TYRP1: variants seen among roughly 807,000 people sequenced by gnomAD.
TYRP1 encodes 5,6-dihydroxyindole-2-carboxylic acid oxidase.
A neutral mutation model predicts 42.8 loss-of-function variants in TYRP1; 49 were observed. The ratio of observed to expected loss-of-function variants is 1.14; its 90% CI spans 0.91 to 1.45. TYRP1 has a LOEUF of 1.45. Among genes scored for constraint, TYRP1 ranks in the 40% most tolerant of loss-of-function variants. TYRP1 has a pLI of 0.00. For missense variants in TYRP1, 848 were observed against 662.0 expected (o/e 1.28, Z -3.08); for synonymous variants, 279 against 235.4 (o/e 1.19, Z -1.69).
chr9:12,706,317 G>C (rs553418385), intron 6 of TYRP1, among the ~76,000 whole-genome samples: 1 of 152,092 alleles, frequency 6.6e-6, no homozygotes, highest in South Asian at 2.1e-4. Context: ...AGTCTCTTAA[G>C]TGGAGTTTTC....
At chr9:12,707,761 C>A in intron 6 of TYRP1, 1 of 417,604 alleles carries the variant, frequency 2.4e-6, no homozygotes, top group South Asian at 6.3e-5. Flanking sequence ...CTAAAACTCC[C>A]CTGCTTTTAA....
intron 3 of TYRP1, among the ~76,000 whole-genome samples, chr9:12,696,895 G>A (rs188873255): frequency 2.0e-3 from 306 of 152,252 alleles, no homozygotes; most frequent in African/African-American, 6.8e-3. Flanking sequence ...AGGGAAAGGC[G>A]TTTAGATTCA....
Position 12,698,869 on chromosome 9 carries a change from T to C in TYRP1, c.913+214T>C, listed in dbSNP as rs117554763. On this transcript the variant is annotated intron_variant, in intron 4 of 7. Coordinates refer to ENST00000388918, the MANE Select transcript of TYRP1 (RefSeq NM_000550.3). ...GAAACAGAAAGTGCCTACACATTTT[T>C]ACACTGCCTTTCTTGAGTAGTTTGG... 8.7e-4 allele frequency among the ~76,000 whole-genome samples: 133 copies of C among 152,256 alleles called. 3 individuals carry two copies. In the East Asian group the frequency reaches 0.025, roughly 29 times the overall value.
intron 1 of TYRP1, 87 bp from the exon 2 acceptor site, chr9:12,693,825 C>T: frequency 5.4e-6 from 4 of 735,634 alleles, no homozygotes; most frequent in South Asian, 3.7e-5. Context: ...ATATGGGTTC[C>T]ATTTTGAAAG....
At position 12,695,823 on chromosome 9, in the gene TYRP1, G is replaced by C; in HGVS notation, c.694G>C (p.Glu232Gln). 6.2e-7 allele frequency: 1 copy of C among 1,614,060 alleles called. No individual in the cohort carries two copies. Among genetic ancestry groups the C allele is most frequent in the Non-Finnish European group, 8.5e-7 (1 of 1,180,002 alleles). ...TWHRYHLLRLEKDMQEMLQEP... is the reference protein window; with the variant it reads ...TWHRYHLLRLQKDMQEMLQEP... ...GCACAGGTACCACCTCCTGCGTCTG[G>C]AGAAAGACATGCAGGTATGTAAGAA... The change falls in exon 3 of 8, where the codon GAG becomes CAG. Residue 232 changes from glutamate to glutamine, a missense_variant. Glu to Gln is a conservative substitution (Grantham distance 29, BLOSUM62 2). Transcript: ENST00000388918.
chr9:12,698,708 T>C (rs1818118629), intron 4 of TYRP1, 53 bp downstream of exon 4: 8 of 1,542,576 alleles, frequency 5.2e-6, no homozygotes, highest in Non-Finnish European at 4.5e-6. Flanking sequence ...ATAAAGAGAT[T>C]AAATATGTTG....
chr9:12,698,303 C>A, intron 3 of TYRP1, 148 bp from the exon 4 acceptor site: 1 of 773,308 alleles, frequency 1.3e-6, no homozygotes, highest in Non-Finnish European at 2.2e-6. Context: ...TTTAACTCCT[C>A]TGGGCCCCTC....
At position 12,702,324 on chromosome 9, in the gene TYRP1, A is replaced by G; in HGVS notation, c.967A>G (p.Met323Val). Residue 323 changes from methionine (M) to valine (V), a missense_variant, in exon 5 of 8, where the codon ATG becomes GTG. Coordinates refer to ENST00000388918, the MANE Select transcript of TYRP1 (RefSeq NM_000550.3). ...RNPAGNVARP[M>V]VQRLPEPQDV... ...TCCAGCTGGAAATGTGGCCAGACCAATGGTGCAACGTCTTCCTGAACCACA... is the reference window on the plus strand; with the variant it reads ...TCCAGCTGGAAATGTGGCCAGACCAGTGGTGCAACGTCTTCCTGAACCACA... 6.2e-7 allele frequency: 1 copy of G among 1,613,200 alleles called. No homozygotes were observed. The highest frequency in any genetic ancestry group is 1.7e-5 in the Admixed American group (1 of 59,838).
At chr9:12,703,870 AATAT>A (rs764992716) in intron 5 of TYRP1, among the ~76,000 whole-genome samples, 6,487 of 117,826 alleles carry the variant, frequency 0.055, 189 homozygotes, top group Non-Finnish European at 0.074. Context: ...TTATATATGG[AATAT>A]ATATATATAT....
At position 12,694,323 on chromosome 9, in the gene TYRP1, C is replaced by A. The variant is rs773981197; in HGVS notation, c.327C>A (p.Asn109Lys). 8 of 1,614,062 alleles carry A rather than the reference C, an allele frequency of 5.0e-6. No individual in the cohort carries two copies. The highest frequency in any genetic ancestry group is 4.4e-5 in the South Asian group (4 of 91,046). The change falls in exon 2 of 8, where the codon AAC becomes AAA. Residue 109 changes from asparagine to lysine, a missense_variant. By Grantham distance (94) the Asn-to-Lys change is moderately conservative. Transcript: ENST00000388918. ...CHCNGNFSGH[N>K]CGTCRPGWRG... ...GCAACGGCAATTTCTCAGGACACAA[C>A]TGTGGGACGTGCCGTCCTGGCTGGA... is the stretch of plus-strand genomic sequence containing the variant.
Position 12,709,850 on chromosome 9 carries a change from C to T in TYRP1, c.*668C>T. The T allele has an allele frequency of 6.5e-6, 1 of 153,160 alleles. No individual in the cohort carries two copies. Among genetic ancestry groups the T allele is most frequent in the Non-Finnish European group, 1.5e-5 (1 of 68,770 alleles). The allele number at this position is 153,160 out of a possible 1,614,324, so 9.5% of individuals were successfully genotyped here. On this transcript the variant is annotated 3_prime_UTR_variant, in exon 8 of 8. Transcript: ENST00000388918. ...CTTTCTTAAGCAACAATGGATATTG[C>T]CTGTGTTTGCCACTGTGTTTCCCTG...
intron 4 of TYRP1, 139 bp from the exon 5 acceptor site, chr9:12,702,132 C>G (rs1272960353): frequency 1.1e-5 from 9 of 805,906 alleles, no homozygotes; most frequent in Non-Finnish European, 1.6e-5. Flanking sequence ...TTAATGCTAC[C>G]AAGTATGCAT....
chr9:12,704,559 C>G lies in TYRP1; in HGVS notation c.1115C>G (p.Ala372Gly), dbSNP rs761345683. The G allele has an allele frequency of 6.2e-7, 1 of 1,612,750 alleles. No homozygotes were observed. Among genetic ancestry groups the G allele is most frequent in the African/African-American group, 1.3e-5 (1 of 74,828 alleles). ...GACCCCACGGGAAAGTATGACCCTG[C>G]TGTTCGAAGTCTTCACAATTTGGCT... ...YSDPTGKYDPAVRSLHNLAHL... is the reference protein window; with the variant it reads ...YSDPTGKYDPGVRSLHNLAHL... The change falls in exon 6 of 8, where the codon GCT (alanine) becomes GGT (glycine). Residue 372 changes from alanine (A) to glycine (G), a missense_variant. Transcript: ENST00000388918.
Position 12,702,304 on chromosome 9 carries a change from C to A in TYRP1, c.947C>A (p.Ala316Asp), listed in dbSNP as rs766691498. The change falls in exon 5 of 8, where the codon GCT becomes GAT. Residue 316 changes from alanine to aspartate, a missense_variant. Physicochemically the swap from Ala to Asp is moderately radical, Grantham distance 126 (BLOSUM62 -2). Transcript: ENST00000388918. Reference protein sequence around the residue: ...TEDGPIRRNPAGNVARPMVQR... With the variant: ...TEDGPIRRNPDGNVARPMVQR... Reference sequence around the variant, plus strand: ...GATGGGCCAATTAGGAGAAATCCAGCTGGAAATGTGGCCAGACCAATGGTG... The same window carrying A: ...GATGGGCCAATTAGGAGAAATCCAGATGGAAATGTGGCCAGACCAATGGTG... 8.7e-6 allele frequency: 14 copies of A among 1,612,976 alleles called. No individual in the cohort carries two copies. Among genetic ancestry groups the A allele is most frequent in the African/African-American group, 2.7e-5 (2 of 74,828 alleles).
chr9:12,708,838 G>C, intron 7 of TYRP1, 139 bp from the exon 8 acceptor site: 1 of 773,832 alleles, frequency 1.3e-6, no homozygotes, highest in South Asian at 1.6e-5. Context: ...TCAGGAAGTG[G>C]CTTCAAGGCC....
rs148556571 is a variant in TYRP1, at chr9:12,704,775, C to G, written c.1261+70C>G. ...TGTTTAGATGGCATAGTTATCAGTT[C>G]AAGCTGAGCACTCAGCGCATAAAAA... On this transcript the variant is annotated intron_variant, in intron 6 of 7. Coordinates refer to ENST00000388918, the MANE Select transcript of TYRP1 (RefSeq NM_000550.3). 1.5e-4 allele frequency: 225 copies of G among 1,464,338 alleles called. No homozygotes were observed. In the African/African-American group the frequency reaches 2.9e-3, roughly 19 times the overall value. 90.7% of individuals were successfully genotyped at this position (1,464,338 alleles called of 1,614,324 possible).
Position 12,695,624 on chromosome 9 carries a change from A to T in TYRP1, c.495A>T (p.Arg165Ser). The T allele has an allele frequency of 6.2e-7, 1 of 1,614,166 alleles. No individual in the cohort carries two copies. Among genetic ancestry groups the T allele is most frequent in the Non-Finnish European group, 8.5e-7 (1 of 1,180,026 alleles). The change falls in exon 3 of 8, where the codon AGA becomes AGT. Residue 165 changes from arginine (R) to serine (S), a missense_variant. Transcript: ENST00000388918. ...THPLFVIATR[R>S]SEEILGPDGN... The stretch of plus-strand genomic sequence containing the variant: ...CTTTATTTGTCATTGCCACCAGGAG[A>T]TCAGAAGAAATACTGGGGCCAGATG...
chr9:12,706,087 C>A (rs41313774), intron 6 of TYRP1, among the ~76,000 whole-genome samples: 119 of 152,098 alleles, frequency 7.8e-4, no homozygotes, highest in African/African-American at 2.6e-3. Flanking sequence ...GTTTTACAGT[C>A]ATGATGACCA....
chr9:12,699,915 A>G (rs1424467222), intron 4 of TYRP1, among the ~76,000 whole-genome samples: 1 of 151,388 alleles, frequency 6.6e-6, no homozygotes, highest in Non-Finnish European at 1.5e-5. Flanking sequence ...GAGGGGGAAG[A>G]AAGAGGAAGA....
Sources: allele counts gnomAD v4.1 joint callset (sites outside exome capture counted in the v4.1 genomes callset), GRCh38; gene constraint gnomAD v4.1.1; transcripts MANE v1.5; gene names NCBI Gene and HGNC (gene_info 2026-07-23, HGNC 2026-07-21).